Variants in SLCO1B1 observed in about 807,000 individuals in gnomAD.
The protein encoded by SLCO1B1 is solute carrier organic anion transporter family member 1B1, also known as OATP-2.
In SLCO1B1, 81 loss-of-function variants were observed where a neutral mutation model predicts 70.1. The ratio of observed to expected loss-of-function variants is 1.16; its 90% CI spans 0.97 to 1.39. The LOEUF (loss-of-function observed/expected upper bound fraction) is 1.39. SLCO1B1 is among the 40% of genes most tolerant of loss of function. The probability of loss-of-function intolerance (pLI) is 0.00; values close to 1 mark genes in which losing one functional copy is unlikely to be tolerated. For synonymous variants in SLCO1B1, 283 were observed against 271.5 expected (o/e 1.04, Z -0.42); for missense variants, 895 against 799.6 (o/e 1.12, Z -1.44).
intron 2 of SLCO1B1, among the ~76,000 whole-genome samples, chr12:21,148,990 G>A (rs1463127035): frequency 6.6e-6 from 1 of 152,036 alleles, no homozygotes; most frequent in African/African-American, 2.4e-5. Flanking sequence ...TAGCAATTGT[G>A]AATGGAAGTT....
chr12:21,193,210 C>T (rs1048219209), intron 7 of SLCO1B1, among the ~76,000 whole-genome samples: 7 of 152,208 alleles, frequency 4.6e-5, no homozygotes, highest in Non-Finnish European at 1.0e-4. Flanking sequence ...CTGTTACGTT[C>T]AATTGGTCTA....
chr12:21,164,088 C>T (rs1265834959), intron 2 of SLCO1B1, among the ~76,000 whole-genome samples: 2 of 152,046 alleles, frequency 1.3e-5, no homozygotes, highest in East Asian at 3.9e-4. Flanking sequence ...GAAAAGAAAG[C>T]ATTTGGTGGA....
At chr12:21,190,757 G>A (rs1420530598) in intron 7 of SLCO1B1, among the ~76,000 whole-genome samples, 1 of 151,998 alleles carries the variant, frequency 6.6e-6, no homozygotes, top group Non-Finnish European at 1.5e-5. Flanking sequence ...AATGATAAGT[G>A]AGAACATACA....
At chr12:21,220,645 C>A (rs974407159) in intron 12 of SLCO1B1, among the ~76,000 whole-genome samples, 1 of 151,860 alleles carries the variant, frequency 6.6e-6, no homozygotes, top group Non-Finnish European at 1.5e-5. Flanking sequence ...ATGAGAAAAA[C>A]TAGGAAAGAG....
Position 21,160,106 on chromosome 12 carries a change from T to TAAAA in SLCO1B1, c.85-12527_85-12524dup, listed in dbSNP as rs56102570. Among the ~76,000 whole-genome samples the TAAAA allele has an allele frequency of 8.0e-4, 89 of 111,924 alleles. 1 individual carries two copies. The highest frequency in any genetic ancestry group is 3.3e-3 in the East Asian group (12 of 3,686). The allele number at this position is 111,924 out of a possible 152,430, so 73.4% of individuals were successfully genotyped here. A position where few individuals can be genotyped will look rare whatever the true frequency, so the allele number is the denominator to read the frequency against. On this transcript the variant is annotated intron_variant, in intron 2 of 14. Coordinates refer to ENST00000256958, the MANE Select transcript of SLCO1B1 (RefSeq NM_006446.5). ...CTACCAGCAATATTCTTCACAGAAC[T>TAAAA]AAAAAAAAAAAAAAAAAAAACTATT...
intron 5 of SLCO1B1, among the ~76,000 whole-genome samples, chr12:21,177,500 A>G (rs963449415): frequency 1.3e-5 from 2 of 152,136 alleles, no homozygotes; most frequent in Non-Finnish European, 2.9e-5. Context: ...GATTTTTTTA[A>G]CCTATTAAAT....
intron 8 of SLCO1B1, among the ~76,000 whole-genome samples, chr12:21,198,285 A>G (rs1055622780): frequency 6.6e-6 from 1 of 152,080 alleles, no homozygotes; most frequent in Non-Finnish European, 1.5e-5. Flanking sequence ...AATTACCATG[A>G]TTTATTACCA....
intron 2 of SLCO1B1, among the ~76,000 whole-genome samples, chr12:21,157,822 G>C (rs565262540): frequency 4.6e-5 from 7 of 152,018 alleles, no homozygotes; most frequent in Admixed American, 3.9e-4. Flanking sequence ...GGATGGTCTC[G>C]ATCTCCTGAC....
chr12:21,205,950 C>A lies in SLCO1B1; in HGVS notation c.1414C>A (p.Pro472Thr). 1 of 1,611,752 alleles carries A rather than the reference C, an allele frequency of 6.2e-7. No homozygotes were observed. Among genetic ancestry groups the A allele is most frequent in the South Asian group, 1.1e-5 (1 of 91,032 alleles). Residue 472 changes from proline to threonine, a missense_variant, in exon 11 of 15, where the codon CCA becomes ACA. Physicochemically the swap from Pro to Thr is conservative, Grantham distance 38. Transcript: ENST00000256958. ...CAATTGTGATGAAAGTCAATGGGAA[C>A]CAGTCTGTGGAAACAATGGAATAAC... The part of the protein sequence containing the change: ...DCNCDESQWE[P>T]VCGNNGITYI...
chr12:21,237,719 ATT>A (rs35374921), intron 14 of SLCO1B1, among the ~76,000 whole-genome samples: 1 of 147,540 alleles, frequency 6.8e-6, no homozygotes. Context: ...ATTCTTAGTA[ATT>A]TTTTTTTTTT....
intron 7 of SLCO1B1, among the ~76,000 whole-genome samples, chr12:21,193,584 T>A (rs1941055993): frequency 6.6e-6 from 1 of 152,200 alleles, no homozygotes; most frequent in Non-Finnish European, 1.5e-5. Context: ...GACAGTTTTT[T>A]ACTTAAACTC....
At chr12:21,225,302 G>GA (rs1190627361) in intron 14 of SLCO1B1, among the ~76,000 whole-genome samples, 8 of 151,904 alleles carry the variant, frequency 5.3e-5, no homozygotes, top group Non-Finnish European at 7.4e-5. Context: ...TGTCAATTAA[G>GA]AAAAAACGGG....
At chr12:21,226,057 A>G (rs527560010) in intron 14 of SLCO1B1, among the ~76,000 whole-genome samples, 75 of 152,338 alleles carry the variant, frequency 4.9e-4, no homozygotes, top group Non-Finnish European at 7.5e-4. Flanking sequence ...GAAGTGACCT[A>G]TCAACTCACA....
In SLCO1B1 at chr12:21,178,738, T is replaced by C. The variant is rs1266295746; in HGVS notation, c.628+16T>C. On this transcript the variant is annotated intron_variant, in intron 6 of 14. Transcript: ENST00000256958. ...TTGTATTTAGGTAATGTACACAAAA[T>C]ATTAAATTGTATGATCACTTTCCCT... 13 of 1,584,322 alleles carry C rather than the reference T, an allele frequency of 8.2e-6. No individual in the cohort carries two copies. The highest frequency in any genetic ancestry group is 1.1e-5 in the Non-Finnish European group (13 of 1,153,112).
chr12:21,186,480 A>G (rs1193082002), intron 7 of SLCO1B1, among the ~76,000 whole-genome samples: 3 of 152,058 alleles, frequency 2.0e-5, no homozygotes, highest in Non-Finnish European at 4.4e-5. Context: ...AATACTGTCA[A>G]CTTTGAATAA....
rs1320738699 is a variant in SLCO1B1, at chr12:21,205,901, A to G, written c.1365A>G (p.Pro455=). The G allele has an allele frequency of 6.2e-7, 1 of 1,610,466 alleles. No homozygotes were observed. Among genetic ancestry groups the G allele is most frequent in the Non-Finnish European group, 8.5e-7 (1 of 1,177,352 alleles). The part of the protein sequence containing the change: ...NNPVTSHRDV[P]LSYCNSDCNC... ...CAGTGACATCTCATAGAGATGTACC[A>G]CTTTCTTATTGCAACTCAGACTGCA... Residue 455 remains proline, a synonymous_variant, in exon 11 of 15, where the codon CCA becomes CCG. Transcript: ENST00000256958.
intron 11 of SLCO1B1, among the ~76,000 whole-genome samples, chr12:21,211,739 T>G (rs1235407902): frequency 1.3e-5 from 2 of 152,178 alleles, no homozygotes; most frequent in Non-Finnish European, 2.9e-5. Flanking sequence ...CAATTTCAGA[T>G]CCTGTTATTG....
intron 8 of SLCO1B1, among the ~76,000 whole-genome samples, chr12:21,198,892 C>T (rs962140080): frequency 6.6e-6 from 1 of 151,970 alleles, no homozygotes; most frequent in African/African-American, 2.4e-5. Flanking sequence ...TTGAATTTCT[C>T]ATCCTCAAAA....
chr12:21,137,883 C>T (rs879419392), intron 1 of SLCO1B1, among the ~76,000 whole-genome samples: 25 of 152,184 alleles, frequency 1.6e-4, no homozygotes, highest in Non-Finnish European at 2.2e-4. Context: ...GAGATGAACC[C>T]GGTACCTCAG....
Sources: allele counts gnomAD v4.1 joint callset (sites outside exome capture counted in the v4.1 genomes callset), GRCh38; gene constraint gnomAD v4.1.1; transcripts MANE v1.5; gene names NCBI Gene and HGNC (gene_info 2026-07-23, HGNC 2026-07-21).